The following SLC6A5 variants were observed in gnomAD, a reference collection of about 807,000 sequenced individuals.
The protein encoded by SLC6A5 is solute carrier family 6 member 5, also known as sodium- and chloride-dependent glycine transporter 2.
Under a neutral mutation model 90.5 loss-of-function variants are expected in SLC6A5, and 58 were observed. That is an observed-to-expected ratio of 0.64 (90% CI 0.52 to 0.80). SLC6A5 has a LOEUF of 0.80. Ranked by LOEUF, SLC6A5 falls within the 30% of genes least tolerant of loss-of-function variation. The pLI, the probability that SLC6A5 is intolerant of heterozygous loss-of-function variation, is 0.00. For missense variants in SLC6A5, 1,015 were observed against 1,017.6 expected, an observed-to-expected ratio of 1.00 and a Z score of 0.03; for synonymous variants, 427 against 401.4, an observed-to-expected ratio of 1.06 and a Z score of -0.76.
At position 20,636,294 on chromosome 11, in the gene SLC6A5, T is replaced by G. The variant is rs746854092; in HGVS notation, c.1625-13T>G. The G allele has an allele frequency of 6.4e-7, 1 of 1,568,426 alleles. No homozygotes were observed. Among genetic ancestry groups the G allele is most frequent in the Non-Finnish European group, 8.8e-7 (1 of 1,138,302 alleles). On this transcript the variant is annotated splice_polypyrimidine_tract_variant and intron_variant, in intron 10 of 15. Transcript: ENST00000525748. ...TAGGGCCTGCCTGCAATCATCTGTCTTGTTCCTTCCAGGGCCAGGCATTGC... is the reference window on the plus strand; with the variant it reads ...TAGGGCCTGCCTGCAATCATCTGTCGTGTTCCTTCCAGGGCCAGGCATTGC...
Position 20,607,594 on chromosome 11 carries a change from C to A in SLC6A5, c.927C>A (p.Gly309=), listed in dbSNP as rs376428813. 3 of 1,614,012 alleles carry A rather than the reference C, an allele frequency of 1.9e-6. No homozygotes were observed. The highest frequency in any genetic ancestry group is 1.7e-6 in the Non-Finnish European group (2 of 1,179,994). ...FASFVSVLPW[G]SCNNPWNTPE... is the part of the protein sequence containing the mutation. ...CCTTTGTGTCTGTACTACCCTGGGG[C>A]TCCTGCAACAACCCTTGGAATACGC... is the stretch of plus-strand genomic sequence containing the variant. The change falls in exon 5 of 16, where the codon GGC becomes GGA. Residue 309 remains glycine (G), a synonymous_variant. Coordinates refer to ENST00000525748, the MANE Select transcript of SLC6A5 (RefSeq NM_004211.5).
rs188431196 is a variant in SLC6A5, at chr11:20,635,213, G to C, written c.1625-1094G>C. 4.4e-3 allele frequency among the ~76,000 whole-genome samples: 677 copies of C among 152,286 alleles called. 8 individuals carry two copies. Among genetic ancestry groups the C allele is most frequent in the Middle Eastern group, 0.014 (4 of 294 alleles). On this transcript the variant is annotated intron_variant, in intron 10 of 15. Transcript: ENST00000525748. The stretch of plus-strand genomic sequence containing the variant: ...GTGTTTTACCTGCGTTTTCTCATTT[G>C]TTTATTGTAACCACCTTGTGAGGTC...
chr11:20,613,652 C>CTT (rs3045403), intron 5 of SLC6A5, among the ~76,000 whole-genome samples: 58 of 126,408 alleles, frequency 4.6e-4, no homozygotes, highest in African/African-American at 1.4e-3. Context: ...CTAAATAATT[C>CTT]TTTTTTTTTT....
At chr11:20,634,883 C>T (rs1054877392) in intron 10 of SLC6A5, among the ~76,000 whole-genome samples, 3 of 152,152 alleles carry the variant, frequency 2.0e-5, no homozygotes, top group Admixed American at 2.0e-4. Flanking sequence ...ATTATCCCGG[C>T]GCCCACATTC....
At chr11:20,626,429 C>T (rs1852995714) in intron 7 of SLC6A5, among the ~76,000 whole-genome samples, 2 of 152,200 alleles carry the variant, frequency 1.3e-5, no homozygotes, top group East Asian at 3.9e-4. Flanking sequence ...GTGTACTCAT[C>T]AGCTGGGCTG....
At chr11:20,653,552 C>G (rs1013172018) in intron 15 of SLC6A5, among the ~76,000 whole-genome samples, 1 of 152,180 alleles carries the variant, frequency 6.6e-6, no homozygotes, top group Non-Finnish European at 1.5e-5. Flanking sequence ...GCATGTGGTA[C>G]GTGCACAACA....
At chr11:20,643,943 G>T (rs1853361194) in intron 13 of SLC6A5, among the ~76,000 whole-genome samples, 1 of 152,152 alleles carries the variant, frequency 6.6e-6, no homozygotes, top group African/African-American at 2.4e-5. Flanking sequence ...GCTGTGAAGG[G>T]TCTCAGGATC....
chr11:20,641,534 C>G (rs901233606), intron 13 of SLC6A5, among the ~76,000 whole-genome samples: 5 of 152,052 alleles, frequency 3.3e-5, no homozygotes, highest in Non-Finnish European at 7.4e-5. Context: ...AAACTGTACC[C>G]CTGAAATCTG....
In SLC6A5 at chr11:20,604,283, C is replaced by CA. The variant is rs1246667570; in HGVS notation, c.541-2dup. The CA allele has an allele frequency of 6.2e-7, 1 of 1,608,482 alleles. No homozygotes were observed. The highest frequency in any genetic ancestry group is 1.3e-5 in the African/African-American group (1 of 74,822). Reference sequence around the variant, plus strand: ...TATCGACAATGTGCTTTTCCGCCCCCAGGAGGACGAGCAAGGGGATGAGAA... The same window carrying CA: ...TATCGACAATGTGCTTTTCCGCCCCCAAGGAGGACGAGCAAGGGGATGAGAA... On this transcript the variant is annotated splice_region_variant and splice_polypyrimidine_tract_variant and intron_variant, in intron 2 of 15. Coordinates refer to ENST00000525748, the MANE Select transcript of SLC6A5 (RefSeq NM_004211.5).
chr11:20,643,020 T>G (rs995578506), intron 13 of SLC6A5, among the ~76,000 whole-genome samples: 3 of 152,184 alleles, frequency 2.0e-5, no homozygotes, highest in Non-Finnish European at 2.9e-5. Context: ...CTTTATCCCC[T>G]CTCGGGGAGC....
intron 6 of SLC6A5, among the ~76,000 whole-genome samples, chr11:20,616,478 T>C (rs896144476): frequency 5.3e-5 from 8 of 152,334 alleles, no homozygotes; most frequent in Non-Finnish European, 1.2e-4. Context: ...TAAGAAGAAA[T>C]GTCATCAGGA....
rs1029517028 is a variant in SLC6A5, at chr11:20,628,378, T to C, written c.1499+295T>C. Among the ~76,000 whole-genome samples, 7 of 152,188 alleles carry C rather than the reference T, an allele frequency of 4.6e-5. No homozygotes were observed. In the South Asian group the frequency reaches 6.2e-4, roughly 14 times the overall value. ...GTTGGCTGTGTTCTGTGACAGTCAT[T>C]TGTGAGCTACCTAGTCTGTGGATAC... is the stretch of plus-strand genomic sequence containing the variant. On this transcript the variant is annotated intron_variant, in intron 9 of 15. Coordinates refer to ENST00000525748, the MANE Select transcript of SLC6A5 (RefSeq NM_004211.5).
chr11:20,656,379 A>G lies in SLC6A5; in HGVS notation c.*1511A>G, dbSNP rs954578561. On this transcript the variant is annotated 3_prime_UTR_variant, in exon 16 of 16. Transcript: ENST00000525748. ...TGTTTCCTTTAGGGGAGATCATTTC[A>G]ATCATTTTCTTCATTTATCTTCATA... is the stretch of plus-strand genomic sequence containing the variant. 3 of 152,152 alleles carry G rather than the reference A, an allele frequency of 2.0e-5. No homozygotes were observed. The highest frequency in any genetic ancestry group is 7.2e-5 in the African/African-American group (3 of 41,422). The allele number at this position is 152,152 out of a possible 1,614,324, so 9.4% of individuals were successfully genotyped here.
intron 14 of SLC6A5, among the ~76,000 whole-genome samples, chr11:20,650,736 G>T (rs1010943478): frequency 7.2e-6 from 1 of 139,796 alleles, no homozygotes; most frequent in African/African-American, 2.7e-5. Flanking sequence ...GCGCGATCTC[G>T]GCTCACTGCA....
intron 13 of SLC6A5, among the ~76,000 whole-genome samples, chr11:20,640,777 G>A (rs1019564452): frequency 2.0e-5 from 3 of 151,982 alleles, no homozygotes; most frequent in Non-Finnish European, 2.9e-5. Flanking sequence ...TTATTGAGAT[G>A]ATGAGGCCCC....
In SLC6A5 at chr11:20,613,432, C is replaced by T. The variant is rs142661426; in HGVS notation, c.986-1247C>T. On this transcript the variant is annotated intron_variant, in intron 5 of 15. Coordinates refer to ENST00000525748, the MANE Select transcript of SLC6A5 (RefSeq NM_004211.5). ...AGTTTATCTGTATTTTAAAGAGAGG[C>T]ATTGTAAAATGGTCAGAAAGACTTC... is the stretch of plus-strand genomic sequence containing the variant. 2.0e-3 allele frequency among the ~76,000 whole-genome samples: 299 copies of T among 152,158 alleles called. 2 individuals carry two copies. Among genetic ancestry groups the T allele is most frequent in the African/African-American group, 6.7e-3 (278 of 41,486 alleles).
At chr11:20,646,469 G>A (rs192271728) in intron 13 of SLC6A5, among the ~76,000 whole-genome samples, 3 of 152,266 alleles carry the variant, frequency 2.0e-5, no homozygotes, top group Admixed American at 1.3e-4. Flanking sequence ...GTCTTCACTG[G>A]TTTTGCCAGA....
chr11:20,641,121 T>C (rs1478939385), intron 13 of SLC6A5, among the ~76,000 whole-genome samples: 1 of 152,220 alleles, frequency 6.6e-6, no homozygotes. Flanking sequence ...TGTGTAGAAG[T>C]GGTCCCTTTA....
chr11:20,638,503 C>T lies in SLC6A5; in HGVS notation c.1914C>T (p.Ser638=), dbSNP rs1240241197. 1.2e-6 allele frequency: 2 copies of T among 1,613,514 alleles called. No homozygotes were observed. Among genetic ancestry groups the T allele is most frequent in the Middle Eastern group, 1.6e-4 (1 of 6,080 alleles). ...MFQLVDTYAA[S]YALVIIAIFE... Reference sequence around the variant, plus strand: ...AGCTTGTGGACACCTATGCTGCCTCCTATGCCCTTGTCATCATTGCCATTT... The same window carrying T: ...AGCTTGTGGACACCTATGCTGCCTCTTATGCCCTTGTCATCATTGCCATTT... The change falls in exon 13 of 16, where the codon TCC becomes TCT. Residue 638 remains serine (S), a synonymous_variant. Coordinates refer to ENST00000525748, the MANE Select transcript of SLC6A5 (RefSeq NM_004211.5).
Sources: gnomAD v4.1 joint callset for allele counts (sites outside exome capture counted in the v4.1 genomes callset) on GRCh38, gnomAD v4.1.1 for gene constraint, MANE v1.5 for transcripts, NCBI Gene and HGNC (gene_info 2026-07-23, HGNC 2026-07-21) for gene names.